The following TANC2 variants were observed in gnomAD, a reference collection of about 807,000 sequenced individuals.
TANC2 encodes tetratricopeptide repeat, ankyrin repeat and coiled-coil containing 2, also known as protein TANC2.
TANC2 carries 26 observed loss-of-function variants against 210.5 expected under a neutral mutation model. The observed-to-expected ratio is 0.12, with a 90% CI of 0.09 to 0.17. TANC2 has a LOEUF of 0.17. TANC2 is among the 10% of genes least tolerant of loss of function. TANC2 has a pLI of 1.00. For synonymous variants in TANC2, 931 were observed against 967.1 expected (o/e 0.96, Z 0.69); for missense variants, 2,129 against 2,608.9 (o/e 0.82, Z 4.01).
intron 1 of TANC2, among the ~76,000 whole-genome samples, chr17:62,989,355 G>T (rs570357775): frequency 6.6e-6 from 1 of 152,346 alleles, no homozygotes; most frequent in Non-Finnish European, 1.5e-5. Context: ...CAGTAGAGAA[G>T]TGTCGCTGAG....
At chr17:63,007,697 A>C (rs2033682021) in intron 1 of TANC2, among the ~76,000 whole-genome samples, 1 of 152,130 alleles carries the variant, frequency 6.6e-6, no homozygotes, top group Non-Finnish European at 1.5e-5. Flanking sequence ...TATCTTAGAA[A>C]CTTCAATTCC....
chr17:63,022,054 A>G (rs1293088709), intron 2 of TANC2, among the ~76,000 whole-genome samples: 2 of 152,074 alleles, frequency 1.3e-5, no homozygotes, highest in African/African-American at 2.4e-5. Flanking sequence ...AAGAATGACA[A>G]ACTAGGCCGG....
At chr17:63,243,371 T>G (rs1475500178) in intron 8 of TANC2, among the ~76,000 whole-genome samples, 2 of 152,204 alleles carry the variant, frequency 1.3e-5, no homozygotes, top group Non-Finnish European at 2.9e-5. Context: ...AGAATGTCCA[T>G]GAGAAATGAG....
At chr17:63,394,266 A>G (rs1255964128) in intron 17 of TANC2, among the ~76,000 whole-genome samples, 1 of 152,126 alleles carries the variant, frequency 6.6e-6, no homozygotes, top group Non-Finnish European at 1.5e-5. Flanking sequence ...ATCCATTACC[A>G]TTATTATTCA....
chr17:63,420,252 T>C lies in TANC2; in HGVS notation c.4522T>C (p.Ser1508Pro), dbSNP rs761908937. 13 of 1,613,472 alleles carry C rather than the reference T, an allele frequency of 8.1e-6. No homozygotes were observed. The African/African-American group carries it at 1.3e-4, about 17-fold the overall frequency. ...CCTGGAACAGGATGTTGAAAATGTT[T>C]CCATTGGCCTCCAGACAGAGGCCCG... The change falls in exon 28 of 28, where the codon TCC becomes CCC. Residue 1508 changes from serine (S) to proline (P), a missense_variant. Transcript: ENST00000689528. The surrounding 1 kb of genome is among the most constrained non-coding windows in gnomAD (Gnocchi z 4.2).
chr17:63,009,407 A>G, intron 1 of TANC2, 130 bp from the exon 2 acceptor site: 2 of 576,654 alleles, frequency 3.5e-6, no homozygotes. Flanking sequence ...TCATTTATTT[A>G]TTGAGTGGCA....
intron 15 of TANC2, among the ~76,000 whole-genome samples, chr17:63,385,501 C>A (rs1286010096): frequency 6.6e-6 from 1 of 152,152 alleles, no homozygotes; most frequent in Non-Finnish European, 1.5e-5. Flanking sequence ...ATTTCATATG[C>A]CAAAATAACA....
intron 2 of TANC2, 135 bp from the exon 3 acceptor site, chr17:63,073,808 A>G (rs1372511748): frequency 4.7e-6 from 4 of 855,204 alleles, no homozygotes; most frequent in Admixed American, 3.1e-5. Context: ...AAAATCCTCA[A>G]ATATTTTAAT....
intron 15 of TANC2, among the ~76,000 whole-genome samples, chr17:63,382,757 A>G: frequency 6.6e-6 from 1 of 152,254 alleles, no homozygotes; most frequent in Non-Finnish European, 1.5e-5. Context: ...CACCCCTAAC[A>G]TGTTCTTCTC....
chr17:63,324,536 TTTTA>T (rs1424320979), intron 11 of TANC2, among the ~76,000 whole-genome samples: 5 of 152,084 alleles, frequency 3.3e-5, no homozygotes, highest in African/African-American at 9.7e-5. Flanking sequence ...AAGAATAAGA[TTTTA>T]TTTGTGTTGT....
intron 6 of TANC2, among the ~76,000 whole-genome samples, chr17:63,194,945 A>C (rs1440559576): frequency 6.6e-6 from 1 of 152,194 alleles, no homozygotes; most frequent in Non-Finnish European, 1.5e-5. Context: ...CTTCAGCGTG[A>C]ATGTCTGATA....
chr17:63,376,839 A>G (rs902336176), intron 14 of TANC2, among the ~76,000 whole-genome samples: 2 of 122,180 alleles, frequency 1.6e-5, no homozygotes, highest in East Asian at 5.0e-4. Context: ...TTTTTTTTAG[A>G]TGGAGTCTCA....
intron 8 of TANC2, among the ~76,000 whole-genome samples, chr17:63,264,954 G>C (rs1172843466): frequency 6.6e-6 from 1 of 151,920 alleles, no homozygotes; most frequent in African/African-American, 2.4e-5. Context: ...GTGAGACTTC[G>C]TCTCAAAAAA....
chr17:63,224,407 A>G (rs1353013025), intron 7 of TANC2, among the ~76,000 whole-genome samples: 1 of 151,926 alleles, frequency 6.6e-6, no homozygotes, highest in Non-Finnish European at 1.5e-5. Flanking sequence ...GCGCACCACC[A>G]CGCCCAGCTA....
intron 14 of TANC2, among the ~76,000 whole-genome samples, chr17:63,362,555 C>T (rs926502476): frequency 6.6e-6 from 1 of 152,236 alleles, no homozygotes; most frequent in Admixed American, 6.5e-5. Context: ...TGCAGGCCTG[C>T]ACCAAGCCAC....
intron 8 of TANC2, among the ~76,000 whole-genome samples, chr17:63,258,637 A>G (rs2043267888): frequency 6.6e-6 from 1 of 152,118 alleles, no homozygotes; most frequent in Non-Finnish European, 1.5e-5. Context: ...CATGGCAAGT[A>G]CTGCCTGGCT....
intron 7 of TANC2, among the ~76,000 whole-genome samples, chr17:63,214,900 T>A (rs1598621841): frequency 6.6e-6 from 1 of 152,166 alleles, no homozygotes; most frequent in Non-Finnish European, 1.5e-5. Context: ...CTCAATTCTT[T>A]CCTGAGAGGG....
intron 25 of TANC2, among the ~76,000 whole-genome samples, chr17:63,414,640 C>T (rs1367005919): frequency 3.3e-5 from 5 of 152,164 alleles, no homozygotes; most frequent in Non-Finnish European, 2.9e-5. Flanking sequence ...TTGTTCCCCT[C>T]AGAATTCTAC....
chr17:63,282,413 AC>A (rs969398313), intron 9 of TANC2, among the ~76,000 whole-genome samples: 5 of 152,080 alleles, frequency 3.3e-5, no homozygotes, highest in African/African-American at 1.2e-4. Context: ...AGCACAACTT[AC>A]CAAAACTAAC....
Sources: allele counts gnomAD v4.1 joint callset (sites outside exome capture counted in the v4.1 genomes callset), GRCh38; gene constraint gnomAD v4.1.1; non-coding constraint Gnocchi (gnomAD v3.1); transcripts MANE v1.5; gene names NCBI Gene and HGNC (gene_info 2026-07-23, HGNC 2026-07-21).